The following ULK4 variants were observed in gnomAD, a reference collection of about 807,000 sequenced individuals.
The protein encoded by ULK4 is inactive serine/threonine-protein kinase ULK4.
Under a neutral mutation model 160.6 loss-of-function variants are expected in ULK4, and 133 were observed. That is an observed-to-expected ratio of 0.83 (90% CI 0.72 to 0.96). The LOEUF (loss-of-function observed/expected upper bound fraction) is 0.96. Among genes scored for constraint, ULK4 ranks in the 40% least tolerant of loss-of-function variants. The pLI, the probability that ULK4 is intolerant of heterozygous loss-of-function variation, is 0.00. For missense variants in ULK4, 1,580 were observed against 1,499.5 expected (o/e 1.05, Z -0.89); for synonymous variants, 534 against 539.8 (o/e 0.99, Z 0.15).
chr3:41,692,975 C>T (rs2036360900), intron 27 of ULK4, among the ~76,000 whole-genome samples: 1 of 152,164 alleles, frequency 6.6e-6, no homozygotes, highest in Non-Finnish European at 1.5e-5. Flanking sequence ...CTTAGGAATG[C>T]TAAGACAGCT....
intron 35 of ULK4, among the ~76,000 whole-genome samples, chr3:41,296,023 G>A (rs61647243): frequency 0.079 from 12,020 of 152,220 alleles, 1,217 homozygotes; most frequent in African/African-American, 0.23. Context: ...TTCAGTAGAT[G>A]ACTGAATAAA....
chr3:41,379,878 A>G (rs971799293), intron 35 of ULK4, among the ~76,000 whole-genome samples: 1 of 152,194 alleles, frequency 6.6e-6, no homozygotes, highest in African/African-American at 2.4e-5. Flanking sequence ...TGAGAGTGGC[A>G]GAGGATACAT....
chr3:41,815,708 C>T (rs904013418), intron 19 of ULK4, among the ~76,000 whole-genome samples: 1 of 152,130 alleles, frequency 6.6e-6, no homozygotes, highest in African/African-American at 2.4e-5. Context: ...TAGTTGTAGG[C>T]ACTGGGGGCT....
intron 34 of ULK4, among the ~76,000 whole-genome samples, chr3:41,411,875 TC>T (rs1243282335): frequency 6.6e-6 from 1 of 152,122 alleles, no homozygotes; most frequent in African/African-American, 2.4e-5. Context: ...CTGAATGCTT[TC>T]CCCTGAAATT....
intron 31 of ULK4, among the ~76,000 whole-genome samples, chr3:41,613,891 T>C (rs563702489): frequency 7.2e-5 from 11 of 152,350 alleles, no homozygotes; most frequent in South Asian, 2.1e-4. Context: ...TGCAAGGCCA[T>C]AGGGCTCAGG....
intron 17 of ULK4, among the ~76,000 whole-genome samples, chr3:41,862,196 T>C (rs1200612525): frequency 6.6e-6 from 1 of 152,140 alleles, no homozygotes; most frequent in Non-Finnish European, 1.5e-5. Context: ...TATTTTTCAG[T>C]GTGCCAACTG....
At chr3:41,932,050 A>G in intron 4 of ULK4, 44 bp from the exon 5 acceptor site, 1 of 1,574,606 alleles carries the variant, frequency 6.4e-7, no homozygotes, top group South Asian at 1.1e-5. Flanking sequence ...AATCAACTTA[A>G]TTTGTACATA....
At chr3:41,643,169 T>A (rs1309773894) in intron 30 of ULK4, among the ~76,000 whole-genome samples, 5 of 152,182 alleles carry the variant, frequency 3.3e-5, no homozygotes, top group African/African-American at 1.2e-4. Flanking sequence ...GTAGTTTCTT[T>A]TGCTGTGCAG....
At chr3:41,311,048 G>C (rs997487064) in intron 35 of ULK4, among the ~76,000 whole-genome samples, 3 of 149,680 alleles carry the variant, frequency 2.0e-5, no homozygotes, top group South Asian at 4.3e-4. Context: ...AAGGAAGGGA[G>C]GGAAGAACAA....
At chr3:41,473,648 TGA>T in intron 32 of ULK4, among the ~76,000 whole-genome samples, 1 of 102,028 alleles carries the variant, frequency 9.8e-6, no homozygotes, top group Middle Eastern at 0.011. Context: ...GGCAACAGAA[TGA>T]GATTCTGTCT....
At chr3:41,662,775 T>C (rs2035219798) in intron 30 of ULK4, among the ~76,000 whole-genome samples, 1 of 152,098 alleles carries the variant, frequency 6.6e-6, no homozygotes, top group Non-Finnish European at 1.5e-5. Context: ...TCTTTCTCCT[T>C]TCTTCCCCTT....
intron 35 of ULK4, among the ~76,000 whole-genome samples, chr3:41,360,194 T>C (rs1232221901): frequency 6.6e-6 from 1 of 151,934 alleles, no homozygotes; most frequent in Non-Finnish European, 1.5e-5. Flanking sequence ...ATTAGAGAAA[T>C]GCAAATCAAA....
intron 21 of ULK4, among the ~76,000 whole-genome samples, chr3:41,781,116 G>C (rs1272692410): frequency 6.6e-6 from 1 of 152,080 alleles, no homozygotes; most frequent in Non-Finnish European, 1.5e-5. Context: ...AAGCAAGAGA[G>C]AGGAGAGACA....
intron 30 of ULK4, among the ~76,000 whole-genome samples, chr3:41,629,827 TA>T (rs59918364): frequency 0.054 from 7,932 of 147,096 alleles, 489 homozygotes; most frequent in African/African-American, 0.15. Flanking sequence ...CTGGTCTCTA[TA>T]AAAAAAAAAA....
chr3:41,844,924 C>A (rs2125666833), intron 17 of ULK4, among the ~76,000 whole-genome samples: 1 of 151,788 alleles, frequency 6.6e-6, no homozygotes, highest in East Asian at 1.9e-4. Flanking sequence ...ATGTTTATAG[C>A]AATTTTATTT....
Position 41,916,083 on chromosome 3 carries a change from G to C in ULK4, c.728-31C>G, listed in dbSNP as rs752351556. 1.8e-5 allele frequency: 26 copies of C among 1,427,046 alleles called. No individual in the cohort carries two copies. The South Asian group carries it at 2.9e-4, about 16-fold the overall frequency. 88.4% of individuals were successfully genotyped at this position (1,427,046 alleles called of 1,614,324 possible). ...AATGAATTAATTTCCAAGAAAAAAT[G>C]ATAAGTAGTAAATACATATCAATTT... On this transcript the variant is annotated intron_variant, in intron 7 of 36. Transcript: ENST00000301831.
chr3:41,389,403 A>C (rs1485744975), intron 35 of ULK4, among the ~76,000 whole-genome samples: 2 of 152,132 alleles, frequency 1.3e-5, no homozygotes, highest in Admixed American at 1.3e-4. Context: ...AACTTCCAAC[A>C]CTATGTTGAA....
At chr3:41,505,788 T>G (rs1365157204) in intron 32 of ULK4, among the ~76,000 whole-genome samples, 1 of 152,154 alleles carries the variant, frequency 6.6e-6, no homozygotes, top group African/African-American at 2.4e-5. Flanking sequence ...CCTTTCTACT[T>G]TTAATGCATC....
At chr3:41,682,499 T>C (rs1324205490) in intron 27 of ULK4, among the ~76,000 whole-genome samples, 1 of 152,246 alleles carries the variant, frequency 6.6e-6, no homozygotes, top group Non-Finnish European at 1.5e-5. Context: ...TTGTTCTCTC[T>C]ATACTGATAA....
Sources: gnomAD v4.1 joint callset for allele counts (sites outside exome capture counted in the v4.1 genomes callset) on GRCh38, gnomAD v4.1.1 for gene constraint, MANE v1.5 for transcripts, NCBI Gene and HGNC (gene_info 2026-07-23, HGNC 2026-07-21) for gene names.